Variants in FRMPD4 observed in about 807,000 individuals in gnomAD.
FRMPD4 encodes the protein FERM and PDZ domain-containing protein 4.
A neutral mutation model predicts 94.1 loss-of-function variants in FRMPD4; 22 were observed. The observed-to-expected ratio is 0.23, with a 90% confidence interval of 0.17 to 0.33. FRMPD4 has a LOEUF of 0.33. FRMPD4 is among the 10% of genes least tolerant of loss of function. The probability of loss-of-function intolerance (pLI) is 1.00; values close to 1 mark genes in which losing one functional copy is unlikely to be tolerated. For missense variants in FRMPD4, 1,111 were observed against 1,339.9 expected (o/e 0.83, Z 2.67); for synonymous variants, 631 against 548.6 (o/e 1.15, Z -2.10).
At chrX:11,914,699 A>G (rs758457085) in intron 3 of FRMPD4, among the ~76,000 whole-genome samples, 1 of 112,599 alleles carries the variant, frequency 8.9e-6, no homozygotes, top group East Asian at 2.8e-4. Flanking sequence ...GAAAGAAAAC[A>G]AAACTTGAAG....
chrX:12,269,328 G>T (rs1034018913), intron 1 of FRMPD4, among the ~76,000 whole-genome samples: 4 of 102,672 alleles, frequency 3.9e-5, no homozygotes, highest in Non-Finnish European at 7.9e-5. Context: ...TCCTCAGATG[G>T]CCTCAGATTC....
At chrX:12,251,349 C>T (rs977975000) in intron 1 of FRMPD4, among the ~76,000 whole-genome samples, 2 of 112,156 alleles carry the variant, frequency 1.8e-5, no homozygotes, top group African/African-American at 6.5e-5. Flanking sequence ...ACTGCTAGAA[C>T]CTACTTTGAA....
chrX:12,248,514 C>T (rs2053987001), intron 1 of FRMPD4, among the ~76,000 whole-genome samples: 1 of 112,208 alleles, frequency 8.9e-6, no homozygotes, highest in Non-Finnish European at 1.9e-5. Flanking sequence ...AACATGTTAG[C>T]AAACTTCCAA....
At chrX:12,503,283 G>T (rs917520070) in intron 2 of FRMPD4, among the ~76,000 whole-genome samples, 1 of 111,529 alleles carries the variant, frequency 9.0e-6, no homozygotes, top group African/African-American at 3.3e-5. Flanking sequence ...AATTTAAGAG[G>T]CTTTTTCTTG....
chrX:12,607,509 G>C, intron 2 of FRMPD4, among the ~76,000 whole-genome samples: 1 of 111,565 alleles, frequency 9.0e-6, no homozygotes, highest in Non-Finnish European at 1.9e-5. Flanking sequence ...TGAATGAGAG[G>C]CTCCACATTT....
intron 3 of FRMPD4, among the ~76,000 whole-genome samples, chrX:12,016,982 G>A (rs754824313): frequency 8.9e-6 from 1 of 112,230 alleles, no homozygotes; most frequent in South Asian, 3.7e-4. Flanking sequence ...CTAGGCTGTT[G>A]TGTGCCTTAG....
intron 1 of FRMPD4, among the ~76,000 whole-genome samples, chrX:11,849,478 GA>G (rs1350630050): frequency 9.0e-6 from 1 of 110,935 alleles, no homozygotes; most frequent in Non-Finnish European, 1.9e-5. Flanking sequence ...TCTTGAAAAA[GA>G]AAAAAGTTGG....
At chrX:12,702,987 G>A (rs1157541767) in intron 10 of FRMPD4, among the ~76,000 whole-genome samples, 1 of 112,530 alleles carries the variant, frequency 8.9e-6, no homozygotes, top group Non-Finnish European at 1.9e-5. Flanking sequence ...GCTGCCATTT[G>A]AAAAGGTGGC....
intron 1 of FRMPD4, among the ~76,000 whole-genome samples, chrX:11,840,735 ATT>A (rs202150071): frequency 9.7e-6 from 1 of 103,109 alleles, no homozygotes; most frequent in African/African-American, 3.6e-5. Flanking sequence ...TTTATTTTTT[ATT>A]TTTTTTTAAT....
chrX:12,365,800 GTC>G (rs2056066067), intron 1 of FRMPD4, among the ~76,000 whole-genome samples: 1 of 112,060 alleles, frequency 8.9e-6, no homozygotes, highest in African/African-American at 3.2e-5. Flanking sequence ...TCTGTGTCTT[GTC>G]TCAAGTTTTC....
intron 3 of FRMPD4, among the ~76,000 whole-genome samples, chrX:11,881,216 T>G (rs1455900510): frequency 8.9e-6 from 1 of 112,257 alleles, no homozygotes; most frequent in Non-Finnish European, 1.9e-5. Flanking sequence ...GGCAAAATAG[T>G]ACAGTCACTT....
intron 1 of FRMPD4, among the ~76,000 whole-genome samples, chrX:12,443,451 TCA>T (rs1332993290): frequency 1.8e-5 from 2 of 112,272 alleles, no homozygotes; most frequent in Admixed American, 1.9e-4. Context: ...TTTATTGTAC[TCA>T]GTGTTAAAAA....
intron 1 of FRMPD4, among the ~76,000 whole-genome samples, chrX:12,321,519 C>T (rs2055207397): frequency 8.9e-6 from 1 of 112,070 alleles, no homozygotes; most frequent in African/African-American, 3.2e-5. Flanking sequence ...CAACTGTAGG[C>T]TAATGTAAGT....
chrX:12,717,626 C>A lies in FRMPD4; in HGVS notation c.2800C>A (p.Arg934Ser). 8.3e-7 allele frequency: 1 copy of A among 1,209,509 alleles called. No homozygotes were observed. The highest frequency in any genetic ancestry group is 1.1e-6 in the Non-Finnish European group (1 of 893,417). Reference sequence around the variant, plus strand: ...ACAAAAACAGTCAGAAAACCTCTCCCGCATGTTCTTGGCCACTCACGAAGG... The same window carrying A: ...ACAAAAACAGTCAGAAAACCTCTCCAGCATGTTCTTGGCCACTCACGAAGG... Reference protein sequence around the residue: ...TAQKQSENLSRMFLATHEGYH... With the variant: ...TAQKQSENLSSMFLATHEGYH... Residue 934 changes from arginine (R) to serine (S), a missense_variant, in exon 16 of 17, where the codon CGC becomes AGC. Arg to Ser is a moderately radical substitution (Grantham distance 110). This residue lies in a region of FRMPD4 where 551 missense variants were observed against 591.6 expected (regional missense o/e 0.93). Transcript: ENST00000675598.
chrX:12,429,589 G>A (rs1228927363), intron 1 of FRMPD4, among the ~76,000 whole-genome samples: 8 of 111,880 alleles, frequency 7.2e-5, no homozygotes, highest in Non-Finnish European at 1.5e-4. Flanking sequence ...TAGTTGTCAT[G>A]AAGTTGATGG....
intron 1 of FRMPD4, among the ~76,000 whole-genome samples, chrX:12,450,596 C>T (rs1263210551): frequency 9.0e-6 from 1 of 111,181 alleles, no homozygotes; most frequent in African/African-American, 3.3e-5. Context: ...AATCACATGG[C>T]TTCAGTGAGC....
At chrX:12,685,200 A>G (rs959345384) in intron 6 of FRMPD4, among the ~76,000 whole-genome samples, 1 of 111,868 alleles carries the variant, frequency 8.9e-6, no homozygotes. Flanking sequence ...ATTCCTGAAT[A>G]TCTTGCCTTC....
rs185951412 is a variant in FRMPD4 at position 12,192,219 on chromosome X, A to G, written c.41+53207A>G. On this transcript the variant is annotated intron_variant, in intron 1 of 16. Transcript: ENST00000675598. Reference sequence around the variant, plus strand: ...CTGTGTCACATTTCCAAATATAACCAACATTTCTGGGCATATTCCTCAAAC... The same window carrying G: ...CTGTGTCACATTTCCAAATATAACCGACATTTCTGGGCATATTCCTCAAAC... Among the ~76,000 whole-genome samples the G allele has an allele frequency of 1.5e-4, 17 of 111,831 alleles. No homozygotes were observed. The East Asian group carries it at 4.5e-3, about 30-fold the overall frequency.
chrX:12,143,816 T>A (rs2055725845), intron 1 of FRMPD4, among the ~76,000 whole-genome samples: 1 of 112,543 alleles, frequency 8.9e-6, no homozygotes, highest in Non-Finnish European at 1.9e-5. Flanking sequence ...AAACTTCTGA[T>A]CTCAAATTAC....
Sources: gnomAD v4.1 joint callset for allele counts (sites outside exome capture counted in the v4.1 genomes callset) on GRCh38, gnomAD v4.1.1 for gene constraint, gnomAD v4.1.1 regional missense constraint, MANE v1.5 for transcripts, NCBI Gene and HGNC (gene_info 2026-07-23, HGNC 2026-07-21) for gene names.